Variants in MAP4K3 observed in about 807,000 individuals in gnomAD.
The protein encoded by MAP4K3 is MAPK/ERK kinase kinase kinase 3.
MAP4K3 carries 94 observed loss-of-function variants against 143.5 expected under a neutral mutation model. The observed-to-expected ratio is 0.65, with a 90% CI of 0.55 to 0.78. MAP4K3 has a LOEUF of 0.78. Among genes scored for constraint, MAP4K3 ranks in the 30% least tolerant of loss-of-function variants. The pLI is 0.00. For missense variants in MAP4K3, 1,077 were observed against 1,068.1 expected, an observed-to-expected ratio of 1.01 and a Z score of -0.12; for synonymous variants, 416 against 347.2, an observed-to-expected ratio of 1.20 and a Z score of -2.20.
At chr2:39,276,528 G>T (rs993541636) in intron 24 of MAP4K3, among the ~76,000 whole-genome samples, 1 of 152,138 alleles carries the variant, frequency 6.6e-6, no homozygotes, top group Non-Finnish European at 1.5e-5. Flanking sequence ...GGTTCATATC[G>T]CAGTCCAGCC....
At position 39,355,359 on chromosome 2, in the gene MAP4K3, C is replaced by CAAAA. The variant is rs34355105; in HGVS notation, c.245+886_245+889dup. Among the ~76,000 whole-genome samples the CAAAA allele has an allele frequency of 1.1e-3, 37 of 34,520 alleles. 1 individual carries two copies. Among genetic ancestry groups the CAAAA allele is most frequent in the African/African-American group, 3.7e-3 (30 of 8,088 alleles). 22.6% of individuals were successfully genotyped at this position (34,520 alleles called of 152,430 possible). The stretch of plus-strand genomic sequence containing the variant: ...CTAGTGACAGAGCAAGACTCCACCT[C>CAAAA]AAAAAAAAAAAAAAAAAAAAAAAAG... On this transcript the variant is annotated intron_variant, in intron 3 of 33. Transcript: ENST00000263881.
intron 16 of MAP4K3, among the ~76,000 whole-genome samples, chr2:39,298,940 G>A (rs1442498913): frequency 3.3e-5 from 5 of 150,110 alleles, no homozygotes; most frequent in African/African-American, 7.4e-5. Context: ...ACTGCAGCCT[G>A]GGCAACAGAG....
At position 39,278,300 on chromosome 2, in the gene MAP4K3, A is replaced by G. The variant is rs551349355; in HGVS notation, c.1794+107T>C. On this transcript the variant is annotated intron_variant, in intron 24 of 33. Coordinates refer to ENST00000263881, the MANE Select transcript of MAP4K3 (RefSeq NM_003618.4). ...AAAACAAAACAAAACAAAACAAAAA[A>G]GAATAAAAGAGGCAGCAAGTCATGA... 3.5e-4 allele frequency: 216 copies of G among 617,904 alleles called. 4 individuals are homozygous for G. The South Asian group carries it at 6.0e-3, about 17-fold the overall frequency. 38.3% of individuals were successfully genotyped at this position (617,904 alleles called of 1,614,324 possible).
intron 2 of MAP4K3, among the ~76,000 whole-genome samples, chr2:39,369,205 G>GTTTTTTTTTTTTTTTTTTTTT (rs68013609): frequency 4.8e-5 from 6 of 125,364 alleles, no homozygotes; most frequent in Non-Finnish European, 8.0e-5. Context: ...TTTTTTTTTT[G>GTTTTTTTTTTTTTTTTTTTTT]TTTTTTTTGA....
chr2:39,254,666 A>G (rs575981090), intron 31 of MAP4K3, 146 bp from the exon 32 acceptor site: 1 of 580,340 alleles, frequency 1.7e-6, no homozygotes, highest in South Asian at 2.7e-5. Context: ...TTTACATTTG[A>G]AAAGTTTAAA....
intron 1 of MAP4K3, among the ~76,000 whole-genome samples, chr2:39,407,173 T>C (rs1007417188): frequency 2.6e-5 from 4 of 152,058 alleles, no homozygotes; most frequent in African/African-American, 9.7e-5. Context: ...CTAAAATCTG[T>C]TCCTGATACA....
At chr2:39,252,039 T>C (rs983581764) in intron 32 of MAP4K3, among the ~76,000 whole-genome samples, 154 bp from the exon 33 acceptor site, 3 of 152,248 alleles carry the variant, frequency 2.0e-5, no homozygotes, top group Admixed American at 6.5e-5. Flanking sequence ...TGTAGATACA[T>C]CAATTTGTTA....
intron 29 of MAP4K3, among the ~76,000 whole-genome samples, chr2:39,260,234 C>T (rs558538036): frequency 6.6e-5 from 10 of 152,136 alleles, no homozygotes; most frequent in Non-Finnish European, 1.3e-4. Flanking sequence ...CCATCTTGGC[C>T]TCCCTGGTAG....
At chr2:39,268,922 TA>T (rs1163706252) in intron 26 of MAP4K3, among the ~76,000 whole-genome samples, 2 of 152,108 alleles carry the variant, frequency 1.3e-5, no homozygotes, top group African/African-American at 4.8e-5. Flanking sequence ...CTCTTTTTTT[TA>T]AAAAAATAAT....
chr2:39,273,628 A>C (rs1376264537), intron 24 of MAP4K3, among the ~76,000 whole-genome samples: 1 of 152,244 alleles, frequency 6.6e-6, no homozygotes, highest in East Asian at 1.9e-4. Flanking sequence ...TAAAAGAGAA[A>C]AGGTAATAAT....
chr2:39,325,932 A>C lies in MAP4K3; in HGVS notation c.692T>G (p.Phe231Cys). ...TTTATCCTTTAGTTTAGGAGGCTGA[A>C]AATTGCTTTTTGTCATTAGAAATAA... ...RALFLMTKSN[F>C]QPPKLKDKMK... Residue 231 changes from phenylalanine to cysteine, a missense_variant, in exon 10 of 34, where the codon TTT (phenylalanine) becomes TGT (cysteine). Transcript: ENST00000263881. 1.3e-6 allele frequency: 2 copies of C among 1,596,648 alleles called. No homozygotes were observed. Among genetic ancestry groups the C allele is most frequent in the Non-Finnish European group, 1.7e-6 (2 of 1,166,752 alleles).
intron 1 of MAP4K3, among the ~76,000 whole-genome samples, chr2:39,394,721 C>T (rs994550588): frequency 2.0e-5 from 3 of 151,992 alleles, no homozygotes; most frequent in African/African-American, 7.3e-5. Flanking sequence ...TATGGAGAAA[C>T]GAAGAGGGCA....
chr2:39,314,517 C>G, intron 13 of MAP4K3, among the ~76,000 whole-genome samples: 1 of 152,178 alleles, frequency 6.6e-6, no homozygotes, highest in South Asian at 2.1e-4. Flanking sequence ...TATGATCACA[C>G]AACTAACTGC....
chr2:39,378,251 T>C (rs1666270676), intron 1 of MAP4K3, 128 bp from the exon 2 acceptor site: 3 of 580,180 alleles, frequency 5.2e-6, no homozygotes, highest in Non-Finnish European at 9.1e-6. Context: ...GTAATTTATA[T>C]TTACAAAACA....
chr2:39,322,047 C>T (rs1179972533), intron 12 of MAP4K3, among the ~76,000 whole-genome samples: 1 of 838 alleles, frequency 1.2e-3, no homozygotes, highest in Admixed American at 0.02. Context: ...TATACTTTGT[C>T]TCTGTGTCTT....
At chr2:39,258,699 CT>C in intron 29 of MAP4K3, 112 bp from the exon 30 acceptor site, 1 of 787,904 alleles carries the variant, frequency 1.3e-6, no homozygotes, top group East Asian at 2.6e-5. Context: ...GATATGTCTT[CT>C]GTAATACACA....
intron 27 of MAP4K3, among the ~76,000 whole-genome samples, chr2:39,266,892 T>A (rs1292519795): frequency 8.8e-6 from 1 of 113,492 alleles, no homozygotes; most frequent in Non-Finnish European, 2.1e-5. Context: ...GAAAACAGGG[T>A]GTGATAAAAT....
chr2:39,434,030 T>C (rs1360411389), intron 1 of MAP4K3, among the ~76,000 whole-genome samples: 2 of 152,162 alleles, frequency 1.3e-5, no homozygotes, highest in Non-Finnish European at 2.9e-5. Context: ...GCTTTGGAAC[T>C]AAACCACGCC....
intron 13 of MAP4K3, among the ~76,000 whole-genome samples, chr2:39,309,783 C>A (rs925062524): frequency 4.0e-5 from 6 of 151,810 alleles, no homozygotes; most frequent in African/African-American, 9.7e-5. Flanking sequence ...TGGTCTCGAT[C>A]CCCTGACCTC....
Sources: gnomAD v4.1 joint callset for allele counts (sites outside exome capture counted in the v4.1 genomes callset) on GRCh38, gnomAD v4.1.1 for gene constraint, MANE v1.5 for transcripts, NCBI Gene and HGNC (gene_info 2026-07-23, HGNC 2026-07-21) for gene names.